The following LGALS3BP variants were observed in gnomAD, a reference collection of about 807,000 sequenced individuals.
LGALS3BP encodes the protein galectin-3-binding protein.
A neutral mutation model predicts 22.9 loss-of-function variants in LGALS3BP; 25 were observed. The ratio of observed to expected loss-of-function variants is 1.09; its 90% CI spans 0.80 to 1.53. LGALS3BP has a LOEUF of 1.53. Among genes scored for constraint, LGALS3BP ranks in the 40% most tolerant of loss-of-function variants. The pLI, the probability that LGALS3BP is intolerant of heterozygous loss-of-function variation, is 0.00. For missense variants in LGALS3BP, 718 were observed against 752.0 expected (o/e 0.95, Z 0.53); for synonymous variants, 335 against 331.1 (o/e 1.01, Z -0.13).
chr17:78,972,618 A>C lies in LGALS3BP; in HGVS notation c.716T>G (p.Leu239Arg). Residue 239 changes from leucine (L) to arginine (R), a missense_variant, in exon 6 of 6, where the codon CTG becomes CGG. Leu to Arg is a moderately radical substitution (Grantham distance 102, BLOSUM62 -2). Coordinates refer to ENST00000262776, the MANE Select transcript of LGALS3BP (RefSeq NM_005567.4). The surrounding 1 kb of genome is among the most constrained non-coding windows in gnomAD (Gnocchi z 5.1). ...AAAGAGGCTTGCGCAGTAGCCCTGC[A>C]GCTGCCTGGCCCCATAGGCAGAGGC... ...KLASAYGARQLQGYCASLFAI... is the reference protein window; with the variant it reads ...KLASAYGARQRQGYCASLFAI... The C allele has an allele frequency of 6.4e-7, 1 of 1,571,682 alleles. No individual in the cohort carries two copies. The highest frequency in any genetic ancestry group is 8.6e-7 in the Non-Finnish European group (1 of 1,157,030).
intron 2 of LGALS3BP, 77 bp downstream of exon 2, chr17:78,977,063 T>C: frequency 1.3e-6 from 2 of 1,511,312 alleles, no homozygotes; most frequent in South Asian, 1.1e-5. Context: ...GAATATCTCC[T>C]TGAAGCTCTG....
intron 1 of LGALS3BP, chr17:78,979,408 G>A (rs1187850999): frequency 6.6e-6 from 1 of 152,316 alleles, no homozygotes; most frequent in African/African-American, 2.4e-5. Flanking sequence ...CCCAGCTCCA[G>A]GCCTATGTGC....
intron 1 of LGALS3BP, among the ~76,000 whole-genome samples, chr17:78,977,871 GGGGAAGAACA>G (rs1159427888): frequency 6.6e-6 from 1 of 152,238 alleles, no homozygotes; most frequent in Admixed American, 6.5e-5. Flanking sequence ...GGCCAGGCTG[GGGGAAGAACA>G]GGGAGGAAAT....
rs1245969481 is a variant in LGALS3BP at position 78,972,218 on chromosome 17, C to A, written c.1116G>T (p.Leu372=). The change falls in exon 6 of 6, where the codon CTG becomes CTT. Residue 372 remains leucine, a synonymous_variant. Coordinates refer to ENST00000262776, the MANE Select transcript of LGALS3BP (RefSeq NM_005567.4). This position sits in a 1 kb window ranked among gnomAD's most constrained non-coding sequence, Gnocchi z 5.1. ...GGGCCTGCAGAGTCTTCTTCTGGAA[C>A]AGGGCCTCGTGGCTCCAGTACAGGG... ...NLSLYWSHEA[L]FQKKTLQALE... 1 of 1,613,840 alleles carries A rather than the reference C, an allele frequency of 6.2e-7. No homozygotes were observed. Among genetic ancestry groups the A allele is most frequent in the African/African-American group, 1.3e-5 (1 of 74,922 alleles).
In LGALS3BP at chr17:78,976,902, T is replaced by C. The variant is rs1005922107; in HGVS notation, c.52+238A>G. 5.3e-6 allele frequency: 3 copies of C among 570,846 alleles called. No homozygotes were observed. The highest frequency in any genetic ancestry group is 3.8e-5 in the African/African-American group (2 of 52,802). The allele number at this position is 570,846 out of a possible 1,614,324, so 35.4% of individuals were successfully genotyped here. On this transcript the variant is annotated intron_variant, in intron 2 of 5. Coordinates refer to ENST00000262776, the MANE Select transcript of LGALS3BP (RefSeq NM_005567.4). This position sits in a 1 kb window ranked among gnomAD's most constrained non-coding sequence, Gnocchi z 4.6. Reference sequence around the variant, plus strand: ...CCCCTCTGGTTCCCTCTGGACGGAATGGAGGATTCCCTAGTGTCCTCTCTA... The same window carrying C: ...CCCCTCTGGTTCCCTCTGGACGGAACGGAGGATTCCCTAGTGTCCTCTCTA...
rs1599203978 is a variant in LGALS3BP at position 78,977,130 on chromosome 17, C to T, written c.52+10G>A. The T allele has an allele frequency of 1.2e-6, 2 of 1,613,258 alleles. No homozygotes were observed. The highest frequency in any genetic ancestry group is 4.5e-5 in the East Asian group (2 of 44,858). On this transcript the variant is annotated intron_variant, in intron 2 of 5. Coordinates refer to ENST00000262776, the MANE Select transcript of LGALS3BP (RefSeq NM_005567.4). ...TTCTGCTTTTGGTATTTCCCAGGGGCTCAGCTCACCTTGGGTTCCTGCAAC... is the reference window on the plus strand; with the variant it reads ...TTCTGCTTTTGGTATTTCCCAGGGGTTCAGCTCACCTTGGGTTCCTGCAAC...
rs1487379457 is a variant in LGALS3BP, at chr17:78,972,220, G to C, written c.1114C>G (p.Leu372Val). The C allele has an allele frequency of 6.2e-7, 1 of 1,613,946 alleles. No homozygotes were observed. Among genetic ancestry groups the C allele is most frequent in the Middle Eastern group, 1.6e-4 (1 of 6,062 alleles). The change falls in exon 6 of 6, where the codon CTG becomes GTG. Residue 372 changes from leucine (L) to valine (V), a missense_variant. Transcript: ENST00000262776. The surrounding 1 kb of genome is among the most constrained non-coding windows in gnomAD (Gnocchi z 5.1). ...NLSLYWSHEALFQKKTLQALE... is the reference protein window; with the variant it reads ...NLSLYWSHEAVFQKKTLQALE... Reference sequence around the variant, plus strand: ...GCCTGCAGAGTCTTCTTCTGGAACAGGGCCTCGTGGCTCCAGTACAGGGAC... The same window carrying C: ...GCCTGCAGAGTCTTCTTCTGGAACACGGCCTCGTGGCTCCAGTACAGGGAC...
At chr17:78,974,605 G>T (rs1005211299) in intron 4 of LGALS3BP, 83 bp downstream of exon 4, 18 of 1,436,026 alleles carry the variant, frequency 1.3e-5, no homozygotes, top group African/African-American at 8.4e-5. Context: ...TCATGTGCGT[G>T]GGGGGGTGGT....
rs2070669555 is a variant in LGALS3BP at position 78,971,529 on chromosome 17, G to T, written c.*47C>A. The stretch of plus-strand genomic sequence containing the variant: ...AGCCGAGGAGGGGAGCCTGCAGTGA[G>T]GGCGTCCTGGGGTTCTCCGGTTCTC... On this transcript the variant is annotated 3_prime_UTR_variant, in exon 6 of 6. Transcript: ENST00000262776. The surrounding 1 kb of genome is among the most constrained non-coding windows in gnomAD (Gnocchi z 5.6). The T allele has an allele frequency of 1.3e-6, 2 of 1,558,974 alleles. No homozygotes were observed. The highest frequency in any genetic ancestry group is 1.7e-6 in the Non-Finnish European group (2 of 1,147,762).
At position 78,972,924 on chromosome 17, in the gene LGALS3BP, G is replaced by A. The variant is rs373037992; in HGVS notation, c.629+46C>T. On this transcript the variant is annotated intron_variant, in intron 5 of 5. Transcript: ENST00000262776. This position sits in a 1 kb window ranked among gnomAD's most constrained non-coding sequence, Gnocchi z 5.1. ...GCTGTGCTTTTGAAGAGGGGAGGAG[G>A]ACAAAGCCCCTGGCGGCCCCAGAGC... 1 of 1,567,798 alleles carries A rather than the reference G, an allele frequency of 6.4e-7. No homozygotes were observed. The highest frequency in any genetic ancestry group is 1.4e-5 in the African/African-American group (1 of 73,964).
Position 78,971,874 on chromosome 17 carries a change from T to C in LGALS3BP, c.1460A>G (p.Gln487Arg). The C allele has an allele frequency of 6.2e-7, 1 of 1,614,116 alleles. No individual in the cohort carries two copies. ...SWSLVYLPTI[Q>R]SCWNYGFSCS... ...GGAGAAGCCGTAGTTCCAGCAGCTC[T>C]GGATGGTGGGGAGGTAGACCAGGGA... Residue 487 changes from glutamine to arginine, a missense_variant, in exon 6 of 6, where the codon CAG (glutamine) becomes CGG (arginine). Gln to Arg is a conservative substitution (Grantham distance 43). Transcript: ENST00000262776. The surrounding 1 kb of genome is among the most constrained non-coding windows in gnomAD (Gnocchi z 5.6).
In LGALS3BP at chr17:78,976,744, A is replaced by T; in HGVS notation, c.52+396T>A. The T allele has an allele frequency of 4.7e-6, 1 of 214,104 alleles. No homozygotes were observed. The allele number at this position is 214,104 out of a possible 1,614,324, so 13.3% of individuals were successfully genotyped here. ...TACATCTGGCTTCCATGGGGCCCCCAGGATGAGCATGAGCTTCCAGGGGCT... is the reference window on the plus strand; with the variant it reads ...TACATCTGGCTTCCATGGGGCCCCCTGGATGAGCATGAGCTTCCAGGGGCT... On this transcript the variant is annotated intron_variant, in intron 2 of 5. Coordinates refer to ENST00000262776, the MANE Select transcript of LGALS3BP (RefSeq NM_005567.4). The surrounding 1 kb of genome is among the most constrained non-coding windows in gnomAD (Gnocchi z 4.6).
chr17:78,975,502 T>C (rs978808111), intron 3 of LGALS3BP, among the ~76,000 whole-genome samples: 7 of 152,102 alleles, frequency 4.6e-5, no homozygotes, highest in Non-Finnish European at 8.8e-5. Context: ...TTCAGCACCA[T>C]TGAAAATGTT....
intron 1 of LGALS3BP, 94 bp from the exon 2 acceptor site, chr17:78,977,308 G>T (rs547809508): frequency 2.0e-6 from 2 of 987,930 alleles, no homozygotes; most frequent in Admixed American, 4.5e-5. Context: ...AGCCCAACCT[G>T]GGCTGTGTGG....
In LGALS3BP at chr17:78,973,023, A is replaced by G; in HGVS notation, c.576T>C (p.Asn192=). ...AQALWKEPGS[N]VTMSVDAECV... ...ACTCAGCATCCACACTCATGGTGAC[A>G]TTGCTGCCCGGCTCCTTCCACAGGG... Residue 192 remains asparagine, a synonymous_variant, in exon 5 of 6, where the codon AAT becomes AAC. Coordinates refer to ENST00000262776, the MANE Select transcript of LGALS3BP (RefSeq NM_005567.4). This position sits in a 1 kb window ranked among gnomAD's most constrained non-coding sequence, Gnocchi z 5.8. 1.2e-6 allele frequency: 2 copies of G among 1,613,862 alleles called. No homozygotes were observed. The highest frequency in any genetic ancestry group is 8.5e-7 in the Non-Finnish European group (1 of 1,179,962).
intron 4 of LGALS3BP, among the ~76,000 whole-genome samples, chr17:78,974,296 G>A (rs1282889228): frequency 2.6e-5 from 4 of 152,264 alleles, no homozygotes; most frequent in Non-Finnish European, 4.4e-5. Flanking sequence ...CTGAGGCTGC[G>A]AGTAGCCGGG....
rs775377824 is a variant in LGALS3BP, at chr17:78,976,896, A to G, written c.52+244T>C. 15 of 558,902 alleles carry G rather than the reference A, an allele frequency of 2.7e-5. No homozygotes were observed. Among genetic ancestry groups the G allele is most frequent in the Non-Finnish European group, 3.2e-6 (1 of 311,272 alleles). The allele number at this position is 558,902 out of a possible 1,614,324, so 34.6% of individuals were successfully genotyped here. ...GATCAGCCCCTCTGGTTCCCTCTGGACGGAATGGAGGATTCCCTAGTGTCC... is the reference window on the plus strand; with the variant it reads ...GATCAGCCCCTCTGGTTCCCTCTGGGCGGAATGGAGGATTCCCTAGTGTCC... On this transcript the variant is annotated intron_variant, in intron 2 of 5. Transcript: ENST00000262776. The surrounding 1 kb of genome is among the most constrained non-coding windows in gnomAD (Gnocchi z 4.6).
chr17:78,976,889 C>A lies in LGALS3BP; in HGVS notation c.52+251G>T. On this transcript the variant is annotated intron_variant, in intron 2 of 5. Transcript: ENST00000262776. This position sits in a 1 kb window ranked among gnomAD's most constrained non-coding sequence, Gnocchi z 4.6. ...CTGGTTTGATCAGCCCCTCTGGTTCCCTCTGGACGGAATGGAGGATTCCCT... is the reference window on the plus strand; with the variant it reads ...CTGGTTTGATCAGCCCCTCTGGTTCACTCTGGACGGAATGGAGGATTCCCT... The A allele has an allele frequency of 1.8e-6, 1 of 551,932 alleles. No homozygotes were observed. The highest frequency in any genetic ancestry group is 3.3e-6 in the Non-Finnish European group (1 of 307,032). The allele number at this position is 551,932 out of a possible 1,614,324, so 34.2% of individuals were successfully genotyped here. A position where few individuals can be genotyped will look rare whatever the true frequency, so the allele number is the denominator to read the frequency against.
chr17:78,973,253 G>A lies in LGALS3BP; in HGVS notation c.377-31C>T, dbSNP rs183719048. 4.8e-4 allele frequency: 705 copies of A among 1,475,572 alleles called. 1 individual carries two copies. The highest frequency in any genetic ancestry group is 6.0e-4 in the Non-Finnish European group (671 of 1,113,724). The allele number at this position is 1,475,572 out of a possible 1,614,324, so 91.4% of individuals were successfully genotyped here. On this transcript the variant is annotated intron_variant, in intron 4 of 5. Coordinates refer to ENST00000262776, the MANE Select transcript of LGALS3BP (RefSeq NM_005567.4). This position sits in a 1 kb window ranked among gnomAD's most constrained non-coding sequence, Gnocchi z 5.8. ...AAGGGGCGGGAGGGAAGTGGGCTGC[G>A]TTAGGAGCCGGGGCACTGCCACTCT... is the stretch of plus-strand genomic sequence containing the variant.
Sources: allele counts gnomAD v4.1 joint callset (sites outside exome capture counted in the v4.1 genomes callset), GRCh38; gene constraint gnomAD v4.1.1; non-coding constraint Gnocchi (gnomAD v3.1); transcripts MANE v1.5; gene names NCBI Gene and HGNC (gene_info 2026-07-23, HGNC 2026-07-21).